GALNT16: variants seen among roughly 807,000 people sequenced by gnomAD.
The protein encoded by GALNT16 is UDP-GalNAc:polypeptide N-acetylgalactosaminyltransferase-like protein 1.
A neutral mutation model predicts 76.1 loss-of-function variants in GALNT16; 40 were observed. The ratio of observed to expected loss-of-function variants is 0.53; its 90% CI spans 0.41 to 0.68. The LOEUF (loss-of-function observed/expected upper bound fraction) is 0.68, where lower values mean the gene tolerates loss of function less well. GALNT16 is among the 30% of genes least tolerant of loss of function. The probability of loss-of-function intolerance (pLI) is 0.00; values close to 1 mark genes in which losing one functional copy is unlikely to be tolerated. For synonymous variants in GALNT16, 276 were observed against 285.2 expected, an observed-to-expected ratio of 0.97 and a Z score of 0.32; for missense variants, 621 against 731.9, an observed-to-expected ratio of 0.85 and a Z score of 1.75.
chr14:69,345,436 A>C (rs1165636960), intron 12 of GALNT16, among the ~76,000 whole-genome samples: 1 of 152,164 alleles, frequency 6.6e-6, no homozygotes, highest in African/African-American at 2.4e-5. Flanking sequence ...AGGAAGGAAG[A>C]CCTGGTTTGG....
intron 1 of GALNT16, 72 bp from the exon 2 acceptor site, chr14:69,320,639 G>T (rs1218261052): frequency 5.6e-6 from 8 of 1,440,666 alleles, no homozygotes; most frequent in Non-Finnish European, 7.6e-6. Flanking sequence ...CCCGCCTGGT[G>T]TGTGCTGAGC....
intron 1 of GALNT16, among the ~76,000 whole-genome samples, chr14:69,310,122 GATCTGTTTATAGTAAGAC>G (rs1324164649): frequency 6.6e-6 from 1 of 151,852 alleles, no homozygotes; most frequent in Non-Finnish European, 1.5e-5. Flanking sequence ...CTCCTCTATT[GATCTGTTTATAGTAAGAC>G]ATACTATAAG....
chr14:69,260,664 A>C, intron 1 of GALNT16, 197 bp downstream of exon 1: 2 of 288,746 alleles, frequency 6.9e-6, no homozygotes, highest in East Asian at 6.6e-5. Flanking sequence ...GCACCGACTA[A>C]GGGAGGGTGA....
the GALNT16 span, among the ~76,000 whole-genome samples, chr14:69,375,932 C>T: frequency 6.6e-6 from 1 of 152,212 alleles, no homozygotes; most frequent in Non-Finnish European, 1.5e-5. Context: ...AGCCACCATG[C>T]TTGGCCCTCA....
At chr14:69,378,097 A>G in the GALNT16 span, among the ~76,000 whole-genome samples, 2 of 152,172 alleles carry the variant, frequency 1.3e-5, no homozygotes, top group Non-Finnish European at 2.9e-5. Context: ...ACAGTTCACT[A>G]CTACTTCTGT....
the GALNT16 span, among the ~76,000 whole-genome samples, chr14:69,374,331 T>C: frequency 3.1e-3 from 478 of 152,384 alleles, 4 homozygotes; most frequent in African/African-American, 0.011. Context: ...TACTGCTTCA[T>C]GTACTAAAGT....
intron 1 of GALNT16, among the ~76,000 whole-genome samples, chr14:69,297,156 A>G (rs2044778518): frequency 6.6e-6 from 1 of 152,206 alleles, no homozygotes; most frequent in Non-Finnish European, 1.5e-5. Flanking sequence ...TATATTTCCT[A>G]AAAAGGAATT....
Position 69,295,675 on chromosome 14 carries a change from G to A in GALNT16, c.178-25036G>A, listed in dbSNP as rs370676653. 3.3e-4 allele frequency among the ~76,000 whole-genome samples: 50 copies of A among 152,196 alleles called. No homozygotes were observed. In the South Asian group the frequency reaches 1.0e-2, roughly 30 times the overall value. ...GCAGAGGTTACAGTGAGCTGAGATCGCACTACTGTACTCCAGCCTGGGCGA... is the reference window on the plus strand; with the variant it reads ...GCAGAGGTTACAGTGAGCTGAGATCACACTACTGTACTCCAGCCTGGGCGA... On this transcript the variant is annotated intron_variant, in intron 1 of 14. Coordinates refer to ENST00000448469, the MANE Select transcript of GALNT16 (RefSeq NM_001168368.2).
At chr14:69,285,781 G>A (rs2044603100) in intron 1 of GALNT16, among the ~76,000 whole-genome samples, 1 of 152,102 alleles carries the variant, frequency 6.6e-6, no homozygotes, top group Non-Finnish European at 1.5e-5. Context: ...GTCCCTCAGG[G>A]ACGGTGCCAT....
chr14:69,357,410 G>T (rs2045701054), downstream of GALNT16: 1 of 152,306 alleles, frequency 6.6e-6, no homozygotes, highest in African/African-American at 2.4e-5. Context: ...TTTTTACCCT[G>T]CAGGCAGCAT....
At chr14:69,280,987 G>C (rs573958318) in intron 1 of GALNT16, among the ~76,000 whole-genome samples, 12 of 152,134 alleles carry the variant, frequency 7.9e-5, no homozygotes, top group African/African-American at 2.9e-4. Context: ...ACTGCTCATG[G>C]CTAATAAAAA....
intron 1 of GALNT16, among the ~76,000 whole-genome samples, chr14:69,271,267 G>C (rs1465635057): frequency 6.6e-6 from 1 of 152,200 alleles, no homozygotes; most frequent in Non-Finnish European, 1.5e-5. Flanking sequence ...CGGGGCCGGG[G>C]CTCTGGAACT....
chr14:69,278,308 A>G (rs73290577), intron 1 of GALNT16, among the ~76,000 whole-genome samples: 1,849 of 152,264 alleles, frequency 0.012, 40 homozygotes, highest in African/African-American at 0.041. Context: ...CACACTGGTC[A>G]TATTCTGTCC....
chr14:69,358,774 T>A (rs996836343), downstream of GALNT16: 2 of 152,288 alleles, frequency 1.3e-5, no homozygotes, highest in African/African-American at 2.4e-5. Context: ...TGGAATGCTC[T>A]CAGAGGAGCC....
At chr14:69,346,810 TC>T (rs2045570511) in intron 12 of GALNT16, among the ~76,000 whole-genome samples, 1 of 152,044 alleles carries the variant, frequency 6.6e-6, no homozygotes, top group South Asian at 2.1e-4. Context: ...AGGCCCAGCC[TC>T]CAGGGCAGAG....
the GALNT16 span, among the ~76,000 whole-genome samples, chr14:69,366,896 T>A: frequency 6.6e-6 from 1 of 152,092 alleles, no homozygotes; most frequent in African/African-American, 2.4e-5. Flanking sequence ...ACACCAACAG[T>A]CCCACACAGT....
chr14:69,366,637 A>T, the GALNT16 span, among the ~76,000 whole-genome samples: 1 of 152,172 alleles, frequency 6.6e-6, no homozygotes, highest in Non-Finnish European at 1.5e-5. Flanking sequence ...TTGTTTATGA[A>T]CCTTAGTTAA....
intron 1 of GALNT16, among the ~76,000 whole-genome samples, chr14:69,310,484 A>G (rs1338900386): frequency 6.6e-6 from 1 of 152,174 alleles, no homozygotes; most frequent in Non-Finnish European, 1.5e-5. Flanking sequence ...CTGTTTAACT[A>G]CAGGGTGGGT....
downstream of GALNT16, chr14:69,357,184 G>C (rs560805345): frequency 6.6e-6 from 1 of 152,274 alleles, no homozygotes; most frequent in Non-Finnish European, 1.5e-5. Flanking sequence ...GAAGGCAGGA[G>C]CTATGGGAGC....
Sources: gnomAD v4.1 joint callset for allele counts (sites outside exome capture counted in the v4.1 genomes callset) on GRCh38, gnomAD v4.1.1 for gene constraint, MANE v1.5 for transcripts, NCBI Gene and HGNC (gene_info 2026-07-23, HGNC 2026-07-21) for gene names.